BTD: variants seen among roughly 807,000 people sequenced by gnomAD.
BTD encodes the protein biocytinase.
BTD carries 13 observed loss-of-function variants against 17.7 expected under a neutral mutation model. The observed-to-expected ratio is 0.74, with a 90% confidence interval of 0.48 to 1.17. The LOEUF (loss-of-function observed/expected upper bound fraction) is 1.17, where lower values mean the gene tolerates loss of function less well. BTD is among the 50% of genes most tolerant of loss of function. The pLI, the probability that BTD is intolerant of heterozygous loss-of-function variation, is 0.00. For missense variants in BTD, 674 were observed against 650.4 expected (o/e 1.04, Z -0.39); for synonymous variants, 240 against 245.2 (o/e 0.98, Z 0.20).
At chr3:15,694,548 AAAAAAC>A (rs2069262108) in intron 3 of BTD, among the ~76,000 whole-genome samples, 1 of 151,888 alleles carries the variant, frequency 6.6e-6, no homozygotes. Context: ...CAAGAAACAG[AAAAAAC>A]AAAAACAAAA....
chr3:15,630,139 T>G, intron 1 of BTD: 1 of 935,476 alleles, frequency 1.1e-6, no homozygotes, highest in Non-Finnish European at 1.3e-6. Flanking sequence ...AAAACAGCTT[T>G]CATGAAACTC....
At chr3:15,698,456 G>C (rs1310047082) in intron 3 of BTD, among the ~76,000 whole-genome samples, 1 of 152,186 alleles carries the variant, frequency 6.6e-6, no homozygotes, top group Non-Finnish European at 1.5e-5. Flanking sequence ...AATTGTCTCT[G>C]TTTGCAGATG....
At chr3:15,700,177 C>G (rs1322263502) in intron 3 of BTD, among the ~76,000 whole-genome samples, 2 of 152,080 alleles carry the variant, frequency 1.3e-5, no homozygotes, top group Non-Finnish European at 2.9e-5. Context: ...TACGTGGGAG[C>G]TGAACAAGGA....
chr3:15,632,206 C>G (rs1409041594), intron 1 of BTD, among the ~76,000 whole-genome samples: 1 of 152,202 alleles, frequency 6.6e-6, no homozygotes, highest in African/African-American at 2.4e-5. Context: ...CCTCGCCTCA[C>G]CTTACCACCT....
At chr3:15,721,408 G>A (rs537227545) in intron 4 of BTD, among the ~76,000 whole-genome samples, 34 of 152,162 alleles carry the variant, frequency 2.2e-4, no homozygotes, top group Non-Finnish European at 4.3e-4. Context: ...GGTATTTCAG[G>A]GAAACGTAAA....
Position 15,706,982 on chromosome 3 carries a change from A to C in BTD, c.400-3078A>C, listed in dbSNP as rs967787683. The stretch of plus-strand genomic sequence containing the variant: ...TTTAGCCACAATCCAACATAAAAAA[A>C]GTTACTTATAAAAATGGTTTTGAAA... On this transcript the variant is annotated intron_variant, in intron 3 of 3. Transcript: ENST00000672141. Among the ~76,000 whole-genome samples the C allele has an allele frequency of 2.6e-5, 4 of 152,352 alleles. No homozygotes were observed. The East Asian group carries it at 7.7e-4, about 29-fold the overall frequency.
In BTD at chr3:15,649,405, G is replaced by A. The variant is rs1446834871; in HGVS notation, c.*3917G>A. Among the ~76,000 whole-genome samples the A allele has an allele frequency of 2.6e-5, 4 of 152,240 alleles. No individual in the cohort carries two copies. The highest frequency in any genetic ancestry group is 1.3e-4 in the Admixed American group (2 of 15,284). On this transcript the variant is annotated 3_prime_UTR_variant, in exon 4 of 4. Transcript: ENST00000643237. ...CCTGCTCCCTATGGAAAGAGACAGA[G>A]GGTGTTAGATGCCCAGAGGTGAACC...
chr3:15,689,755 G>T, intron 3 of BTD: 1 of 309,136 alleles, frequency 3.2e-6, no homozygotes, highest in Middle Eastern at 9.7e-4. Flanking sequence ...TATTTTTTGT[G>T]CTTGGTTTAC....
chr3:15,643,239 A>G (rs1419438567), intron 3 of BTD, among the ~76,000 whole-genome samples: 5 of 152,120 alleles, frequency 3.3e-5, no homozygotes, highest in Non-Finnish European at 7.4e-5. Flanking sequence ...AGTGCTTCAC[A>G]TCTGTAATCC....
intron 1 of BTD, chr3:15,607,035 G>T (rs2064478974): frequency 6.7e-6 from 1 of 149,020 alleles, no homozygotes; most frequent in Non-Finnish European, 1.4e-5. Flanking sequence ...TCTTTTTCCA[G>T]TGTGGCCCAG....
At chr3:15,616,114 C>T (rs2064782045) in intron 1 of BTD, among the ~76,000 whole-genome samples, 1 of 152,110 alleles carries the variant, frequency 6.6e-6, no homozygotes, top group Admixed American at 6.6e-5. Context: ...ATAAACACTC[C>T]TGTGCAGTTT....
At chr3:15,714,545 A>AAC (rs1553604455), downstream of BTD, 5 of 1,502,798 alleles carry the variant, frequency 3.3e-6, no homozygotes, top group Non-Finnish European at 4.5e-6. Flanking sequence ...AAAAAAAAAA[A>AAC]AACCCCAAAA....
At chr3:15,642,711 C>T (rs1414984846) in intron 3 of BTD, among the ~76,000 whole-genome samples, 1 of 152,000 alleles carries the variant, frequency 6.6e-6, no homozygotes, top group African/African-American at 2.4e-5. Flanking sequence ...ATCTGTCTAC[C>T]TCGGCCTGCC....
chr3:15,694,065 C>A (rs1464920404), intron 3 of BTD, among the ~76,000 whole-genome samples: 1 of 152,080 alleles, frequency 6.6e-6, no homozygotes, highest in Non-Finnish European at 1.5e-5. Context: ...CCCTTCCCTA[C>A]AACTCTAACA....
Position 15,651,581 on chromosome 3 carries a change from G to A in BTD, c.*6093G>A, listed in dbSNP as rs1266102757. ...AGAGAGACAGCCAGACCGTAGCGGT[G>A]TGACAGGCAGAGAGCCAGGCGATCC... On this transcript the variant is annotated 3_prime_UTR_variant, in exon 4 of 4. Coordinates refer to ENST00000643237, the MANE Select transcript of BTD (RefSeq NM_001370658.1). 6.6e-6 allele frequency among the ~76,000 whole-genome samples: 1 copy of A among 152,230 alleles called. No homozygotes were observed. The highest frequency in any genetic ancestry group is 1.5e-5 in the Non-Finnish European group (1 of 68,044).
rs116496798 is a variant in BTD at position 15,705,300 on chromosome 3, T to C, written c.400-4760T>C. Among the ~76,000 whole-genome samples, 1,179 of 152,334 alleles carry C rather than the reference T, an allele frequency of 7.7e-3. 10 individuals are homozygous for C. Among genetic ancestry groups the C allele is most frequent in the Non-Finnish European group, 0.011 (773 of 68,022 alleles). On this transcript the variant is annotated intron_variant, in intron 3 of 3. Transcript: ENST00000672141. ...AACCACACATCTCCAACACTATGGG[T>C]TGAATTATATGTTATTCCTTTGTGG... is the stretch of plus-strand genomic sequence containing the variant.
At chr3:15,630,758 G>A (rs574120481) in intron 1 of BTD, among the ~76,000 whole-genome samples, 3 of 152,104 alleles carry the variant, frequency 2.0e-5, no homozygotes, top group Non-Finnish European at 2.9e-5. Context: ...CTTATTCACA[G>A]TTGCTGGTGA....
chr3:15,690,132 AG>A (rs1238297189), intron 3 of BTD: 1 of 1,610,564 alleles, frequency 6.2e-7, no homozygotes. Flanking sequence ...TGCAAGATCT[AG>A]GGGTGTTCTT....
At chr3:15,657,366 T>G (rs2065881852), downstream of BTD, among the ~76,000 whole-genome samples, 1 of 152,168 alleles carries the variant, frequency 6.6e-6, no homozygotes, top group Admixed American at 6.5e-5. Flanking sequence ...ATTTATTGAG[T>G]GCTTAGCAGG....
Sources: gnomAD v4.1 joint callset for allele counts (sites outside exome capture counted in the v4.1 genomes callset) on GRCh38, gnomAD v4.1.1 for gene constraint, MANE v1.5 for transcripts, NCBI Gene and HGNC (gene_info 2026-07-23, HGNC 2026-07-21) for gene names.